Variants in SYT1 observed in about 807,000 individuals in gnomAD.
SYT1 encodes synaptotagmin-1.
Under a neutral mutation model 44.8 loss-of-function variants are expected in SYT1, and 8 were observed. That is an observed-to-expected ratio of 0.18 (90% CI 0.10 to 0.32). SYT1 has a LOEUF of 0.32. SYT1 is among the 10% of genes least tolerant of loss of function. SYT1 has a pLI of 1.00. For missense variants in SYT1, 286 were observed against 509.3 expected, an observed-to-expected ratio of 0.56 and a Z score of 4.22; for synonymous variants, 154 against 188.8, an observed-to-expected ratio of 0.82 and a Z score of 1.51.
At chr12:78,956,950 G>A (rs978698308) in intron 1 of SYT1, among the ~76,000 whole-genome samples, 2 of 152,098 alleles carry the variant, frequency 1.3e-5, no homozygotes, top group Non-Finnish European at 2.9e-5. Context: ...GTGATTTCAA[G>A]GAGAATGCAC....
At chr12:79,258,508 C>T (rs1321774894) in intron 4 of SYT1, among the ~76,000 whole-genome samples, 3 of 152,086 alleles carry the variant, frequency 2.0e-5, no homozygotes, top group South Asian at 2.1e-4. Flanking sequence ...ACGTATGGTG[C>T]GTTTACTACT....
intron 4 of SYT1, among the ~76,000 whole-genome samples, chr12:79,251,059 A>G (rs1241143492): frequency 6.6e-6 from 1 of 152,018 alleles, no homozygotes; most frequent in African/African-American, 2.4e-5. Flanking sequence ...CAAAATTTCT[A>G]CCCTTCTGTT....
At chr12:79,384,550 CAT>C (rs889988449) in intron 9 of SYT1, among the ~76,000 whole-genome samples, 8 of 152,120 alleles carry the variant, frequency 5.3e-5, no homozygotes, top group African/African-American at 1.9e-4. Flanking sequence ...TTCAGCAAAA[CAT>C]ATTTTAAATG....
chr12:79,038,656 G>A (rs1873304291), intron 2 of SYT1, among the ~76,000 whole-genome samples: 1 of 151,682 alleles, frequency 6.6e-6, no homozygotes, highest in Admixed American at 6.6e-5. Context: ...AATGGGAGAG[G>A]GTCCAAGACA....
chr12:79,345,335 T>A (rs1882560083), intron 8 of SYT1, among the ~76,000 whole-genome samples: 1 of 151,862 alleles, frequency 6.6e-6, no homozygotes, highest in South Asian at 2.1e-4. Context: ...TACTAGACCC[T>A]GGAAGGTTTC....
rs985377684 is a variant in SYT1 at position 79,358,840 on chromosome 12, G to A, written c.928+5221G>A. ...GTCTTCATGGATTGTTGGAAATGGA[G>A]GGATTCTTGGAGACTGGGGAAAATG... On this transcript the variant is annotated intron_variant, in intron 9 of 10. Coordinates refer to ENST00000261205, the MANE Select transcript of SYT1 (RefSeq NM_005639.3). Among the ~76,000 whole-genome samples, 5 of 152,272 alleles carry A rather than the reference G, an allele frequency of 3.3e-5. No homozygotes were observed. In the South Asian group the frequency reaches 1.0e-3, roughly 32 times the overall value.
chr12:79,041,794 G>T (rs917150663), intron 2 of SYT1, among the ~76,000 whole-genome samples: 6 of 151,352 alleles, frequency 4.0e-5, no homozygotes, highest in African/African-American at 1.2e-4. Context: ...TTTGAAATAC[G>T]TCCCATCAAT....
chr12:79,406,185 G>A (rs1267953369), intron 9 of SYT1, among the ~76,000 whole-genome samples: 2 of 152,096 alleles, frequency 1.3e-5, no homozygotes, highest in Non-Finnish European at 2.9e-5. Context: ...TACCTTTCAT[G>A]AAAGAAAAAA....
Position 79,049,652 on chromosome 12 carries a change from A to G in SYT1, c.-18+2290A>G, listed in dbSNP as rs540278951. 2.0e-5 allele frequency among the ~76,000 whole-genome samples: 3 copies of G among 152,146 alleles called. No homozygotes were observed. In the South Asian group the frequency reaches 6.2e-4, roughly 31 times the overall value. The stretch of plus-strand genomic sequence containing the variant: ...AATACATGGAATAAAACATGATATC[A>G]GATGAATATAATAGATAATACAGTG... On this transcript the variant is annotated intron_variant, in intron 3 of 10. Transcript: ENST00000261205.
chr12:79,105,585 A>C (rs1250255836), intron 3 of SYT1, among the ~76,000 whole-genome samples: 1 of 152,216 alleles, frequency 6.6e-6, no homozygotes, highest in East Asian at 1.9e-4. Context: ...TGGAGATAAG[A>C]AAATAAGCAG....
intron 4 of SYT1, among the ~76,000 whole-genome samples, chr12:79,267,506 T>G (rs955793641): frequency 2.0e-5 from 3 of 152,122 alleles, no homozygotes; most frequent in Admixed American, 2.0e-4. Context: ...GAAAGTTAGC[T>G]TCCTTGACAA....
At chr12:79,442,047 A>G (rs760933413) in intron 9 of SYT1, among the ~76,000 whole-genome samples, 8 of 152,208 alleles carry the variant, frequency 5.3e-5, no homozygotes, top group Non-Finnish European at 1.2e-4. Flanking sequence ...GCAGATGTGC[A>G]AGGTTTTTTC....
chr12:79,257,130 T>C (rs892806697), intron 4 of SYT1, among the ~76,000 whole-genome samples: 3 of 152,216 alleles, frequency 2.0e-5, no homozygotes, highest in Non-Finnish European at 4.4e-5. Flanking sequence ...TTCAATTTTA[T>C]CTGAAACTGA....
rs1027969903 is a variant in SYT1, at chr12:78,901,238, T to C, written c.-217+36129T>C. ...CATGATGATAAAACTACTTATTTTCTAAAAACATTAACTTTGAATTGAATG... is the reference window on the plus strand; with the variant it reads ...CATGATGATAAAACTACTTATTTTCCAAAAACATTAACTTTGAATTGAATG... On this transcript the variant is annotated intron_variant, in intron 1 of 10. Coordinates refer to ENST00000261205, the MANE Select transcript of SYT1 (RefSeq NM_005639.3). 2.6e-5 allele frequency among the ~76,000 whole-genome samples: 4 copies of C among 152,140 alleles called. No individual in the cohort carries two copies. In the East Asian group the frequency reaches 7.7e-4, roughly 29 times the overall value.
At chr12:79,385,182 T>G (rs938114956) in intron 9 of SYT1, among the ~76,000 whole-genome samples, 14 of 152,008 alleles carry the variant, frequency 9.2e-5, no homozygotes, top group Non-Finnish European at 1.5e-4. Context: ...AGACAGGGTT[T>G]CACCATGTTG....
chr12:78,884,281 A>G (rs1352259775), intron 1 of SYT1, among the ~76,000 whole-genome samples: 6 of 151,602 alleles, frequency 4.0e-5, no homozygotes, highest in Non-Finnish European at 8.9e-5. Context: ...TGATTTTTAA[A>G]TGTATAGTTA....
At chr12:79,135,178 G>A (rs1277968403) in intron 3 of SYT1, among the ~76,000 whole-genome samples, 3 of 151,906 alleles carry the variant, frequency 2.0e-5, no homozygotes, top group Non-Finnish European at 4.4e-5. Context: ...ATGTATACAT[G>A]TGCCATGTTG....
intron 9 of SYT1, among the ~76,000 whole-genome samples, chr12:79,381,838 CT>C (rs1884235509): frequency 6.6e-6 from 1 of 152,164 alleles, no homozygotes; most frequent in Non-Finnish European, 1.5e-5. Context: ...CTGAGGGGTG[CT>C]TTTTTTGTGC....
chr12:79,060,496 C>T (rs559089790), intron 3 of SYT1, among the ~76,000 whole-genome samples: 3 of 152,104 alleles, frequency 2.0e-5, no homozygotes, highest in Admixed American at 2.0e-4. Context: ...TCCCTGCAGC[C>T]CCTGGCCATC....
Sources: allele counts gnomAD v4.1 joint callset (sites outside exome capture counted in the v4.1 genomes callset), GRCh38; gene constraint gnomAD v4.1.1; transcripts MANE v1.5; gene names NCBI Gene and HGNC (gene_info 2026-07-23, HGNC 2026-07-21).